ADAMTSL1: variants seen among roughly 807,000 people sequenced by gnomAD.
The protein encoded by ADAMTSL1 is ADAMTS-like protein 1.
ADAMTSL1 carries 126 observed loss-of-function variants against 201.8 expected under a neutral mutation model. The ratio of observed to expected loss-of-function variants is 0.62; its 90% CI spans 0.54 to 0.72. ADAMTSL1 has a LOEUF of 0.72. Ranked by LOEUF, ADAMTSL1 falls within the 30% of genes least tolerant of loss-of-function variation. ADAMTSL1 has a pLI of 0.00. For missense variants in ADAMTSL1, 2,679 were observed against 2,277.8 expected (o/e 1.18, Z -3.59); for synonymous variants, 1,121 against 903.4 (o/e 1.24, Z -4.32).
intron 16 of ADAMTSL1, among the ~76,000 whole-genome samples, chr9:18,769,282 A>G (rs1042613649): frequency 1.3e-5 from 2 of 152,230 alleles, no homozygotes; most frequent in Non-Finnish European, 2.9e-5. Flanking sequence ...CAAAGCAGGT[A>G]CTTCAGCACA....
intron 2 of ADAMTSL1, among the ~76,000 whole-genome samples, chr9:18,244,838 C>T (rs1313820638): frequency 6.6e-6 from 1 of 152,178 alleles, no homozygotes; most frequent in Non-Finnish European, 1.5e-5. Flanking sequence ...CATTCCCCTT[C>T]CACCCTACTG....
At position 17,953,686 on chromosome 9, in the gene ADAMTSL1, A is replaced by G. The variant is rs538024744; in HGVS notation, c.87+46764A>G. ...AAGAATAACCTTAAAGCTCAGAATC[A>G]TACATGGGGAAAGAAAAAGGATATG... is the stretch of plus-strand genomic sequence containing the variant. On this transcript the variant is annotated intron_variant, in intron 1 of 29. Transcript: ENST00000680146. Among the ~76,000 whole-genome samples, 6 of 152,336 alleles carry G rather than the reference A, an allele frequency of 3.9e-5. No individual in the cohort carries two copies. The South Asian group carries it at 1.2e-3, about 32-fold the overall frequency.
At chr9:18,884,361 G>T (rs1304473319) in intron 23 of ADAMTSL1, among the ~76,000 whole-genome samples, 1 of 152,070 alleles carries the variant, frequency 6.6e-6, no homozygotes, top group Admixed American at 6.6e-5. Flanking sequence ...CTCTCATTCT[G>T]TGAGTTGCTT....
intron 13 of ADAMTSL1, among the ~76,000 whole-genome samples, chr9:18,686,062 G>T (rs1388280966): frequency 6.6e-6 from 1 of 151,932 alleles, no homozygotes; most frequent in Non-Finnish European, 1.5e-5. Context: ...GGGACTACAG[G>T]TGCAGGCCAC....
chr9:18,689,322 T>C (rs891650367), intron 13 of ADAMTSL1, among the ~76,000 whole-genome samples: 1 of 152,088 alleles, frequency 6.6e-6, no homozygotes, highest in African/African-American at 2.4e-5. Context: ...GCTTAATTTC[T>C]TGAGGAAAAA....
chr9:18,015,555 G>A (rs7018995), intron 1 of ADAMTSL1, among the ~76,000 whole-genome samples: 45,117 of 151,838 alleles, frequency 0.3, 6,897 homozygotes, highest in African/African-American at 0.36. Context: ...CACTTGACAC[G>A]TATTATTGTT....
chr9:18,637,973 T>G (rs959594815), intron 6 of ADAMTSL1, among the ~76,000 whole-genome samples: 1 of 152,156 alleles, frequency 6.6e-6, no homozygotes, highest in Non-Finnish European at 1.5e-5. Context: ...TTTCTACAAG[T>G]GCCTGTGAGG....
At chr9:17,932,393 A>G (rs1315730416) in intron 1 of ADAMTSL1, among the ~76,000 whole-genome samples, 1 of 152,144 alleles carries the variant, frequency 6.6e-6, no homozygotes, top group African/African-American at 2.4e-5. Context: ...CGAGGAGGAA[A>G]AAAGGGAGAA....
At chr9:18,127,519 C>T (rs557992562) in intron 1 of ADAMTSL1, among the ~76,000 whole-genome samples, 20 of 141,852 alleles carry the variant, frequency 1.4e-4, no homozygotes, top group Admixed American at 4.9e-4. Context: ...CACACACACA[C>T]ACAACACATG....
chr9:18,472,712 G>C (rs1448908167), upstream of ADAMTSL1, among the ~76,000 whole-genome samples: 1 of 152,078 alleles, frequency 6.6e-6, no homozygotes, highest in Non-Finnish European at 1.5e-5. Flanking sequence ...CATACCTCTT[G>C]TCAGTATTTT....
In ADAMTSL1 at chr9:18,909,784, C is replaced by G. The variant is rs908937228; in HGVS notation, c.*1236C>G. On this transcript the variant is annotated 3_prime_UTR_variant, in exon 29 of 29. Coordinates refer to ENST00000380548, the MANE Select transcript of ADAMTSL1 (RefSeq NM_001040272.6). ...CCTCTCCCAGCCTCCACCCCAGGGT[C>G]TGCAGGTCCTCCGGCATGTAGTATT... is the stretch of plus-strand genomic sequence containing the variant. 6.6e-6 allele frequency: 1 copy of G among 152,332 alleles called. No homozygotes were observed. The highest frequency in any genetic ancestry group is 2.4e-5 in the African/African-American group (1 of 41,438). 9.4% of individuals were successfully genotyped at this position (152,332 alleles called of 1,614,324 possible).
intron 8 of ADAMTSL1, among the ~76,000 whole-genome samples, chr9:18,658,676 T>C (rs1017702187): frequency 2.8e-4 from 42 of 152,220 alleles, no homozygotes; most frequent in Non-Finnish European, 5.4e-4. Flanking sequence ...GAAAAGGCTT[T>C]TGTGTTACTA....
At chr9:18,030,355 C>A (rs959634312) in intron 1 of ADAMTSL1, among the ~76,000 whole-genome samples, 1 of 151,902 alleles carries the variant, frequency 6.6e-6, no homozygotes, top group Non-Finnish European at 1.5e-5. Flanking sequence ...AATGAGAACA[C>A]ATGGACACAG....
At position 18,053,038 on chromosome 9, in the gene ADAMTSL1, C is replaced by G. The variant is rs985407522; in HGVS notation, c.88-110824C>G. 2.6e-5 allele frequency among the ~76,000 whole-genome samples: 4 copies of G among 152,280 alleles called. No homozygotes were observed. The East Asian group carries it at 7.7e-4, about 29-fold the overall frequency. ...AGGGCAATGTATTATTTCTTTGATT[C>G]TTGCCTTTGTAATACTGGGTCAAAA... is the stretch of plus-strand genomic sequence containing the variant. On this transcript the variant is annotated intron_variant, in intron 1 of 29. Coordinates refer to the ADAMTSL1 transcript ENST00000680146.
rs542847922 is a variant in ADAMTSL1, at chr9:18,535,710, C to T, written c.237+2418C>T. 3.3e-5 allele frequency among the ~76,000 whole-genome samples: 5 copies of T among 152,200 alleles called. No individual in the cohort carries two copies. In the East Asian group the frequency reaches 7.7e-4, roughly 23 times the overall value. Reference sequence around the variant, plus strand: ...GGATTGTAAGTAGGAAACTTACAATCATGGCAGAAGGGGAAGCAAACACAT... The same window carrying T: ...GGATTGTAAGTAGGAAACTTACAATTATGGCAGAAGGGGAAGCAAACACAT... On this transcript the variant is annotated intron_variant, in intron 3 of 28. Transcript: ENST00000380548.
intron 23 of ADAMTSL1, among the ~76,000 whole-genome samples, chr9:18,861,929 T>C (rs1827239442): frequency 6.6e-6 from 1 of 152,202 alleles, no homozygotes; most frequent in Non-Finnish European, 1.5e-5. Context: ...TGTTATTTTC[T>C]TTCCTTTGTT....
intron 2 of ADAMTSL1, among the ~76,000 whole-genome samples, chr9:18,177,963 T>G (rs1437852429): frequency 6.6e-6 from 1 of 152,198 alleles, no homozygotes; most frequent in Non-Finnish European, 1.5e-5. Context: ...GCCAGTGGCT[T>G]TAAAATTTTT....
chr9:18,856,815 C>T (rs1036649099), intron 23 of ADAMTSL1, among the ~76,000 whole-genome samples: 1 of 152,040 alleles, frequency 6.6e-6, no homozygotes, highest in Admixed American at 6.6e-5. Flanking sequence ...AACAAACTTA[C>T]TGCGTTACAG....
In ADAMTSL1 at chr9:18,877,143, T is replaced by C. The variant is rs147101318; in HGVS notation, c.4250-10688T>C. ...TTCTCTGGAGACTTTTCCATCCATA[T>C]CCTGTATCATTTTTTTGATTTCTCT... On this transcript the variant is annotated intron_variant, in intron 23 of 28. Transcript: ENST00000380548. 2.0e-4 allele frequency among the ~76,000 whole-genome samples: 31 copies of C among 152,340 alleles called. No homozygotes were observed. In the East Asian group the frequency reaches 6.0e-3, roughly 29 times the overall value.
Sources: allele counts gnomAD v4.1 joint callset (sites outside exome capture counted in the v4.1 genomes callset), GRCh38; gene constraint gnomAD v4.1.1; transcripts MANE v1.5; gene names NCBI Gene and HGNC (gene_info 2026-07-23, HGNC 2026-07-21).